Variants in MAP4K5 observed in about 807,000 individuals in gnomAD.
MAP4K5 encodes mitogen-activated protein kinase kinase kinase kinase 5.
A neutral mutation model predicts 135.6 loss-of-function variants in MAP4K5; 82 were observed. The ratio of observed to expected loss-of-function variants is 0.60; its 90% CI spans 0.51 to 0.73. The LOEUF (loss-of-function observed/expected upper bound fraction) is 0.73, where lower values mean the gene tolerates loss of function less well. Ranked by LOEUF, MAP4K5 falls within the 30% of genes least tolerant of loss-of-function variation. The pLI is 0.00. For missense variants in MAP4K5, 907 were observed against 1,010.9 expected, an observed-to-expected ratio of 0.90 and a Z score of 1.39; for synonymous variants, 347 against 335.0, an observed-to-expected ratio of 1.04 and a Z score of -0.39.
intron 10 of MAP4K5, among the ~76,000 whole-genome samples, chr14:50,467,585 A>C (rs187662762): frequency 7.4e-4 from 112 of 152,194 alleles, no homozygotes; most frequent in Non-Finnish European, 1.2e-3. Context: ...GAATTCACCA[A>C]CTACTACATA....
intron 8 of MAP4K5, among the ~76,000 whole-genome samples, 173 bp downstream of exon 8, chr14:50,475,955 C>T (rs1353443247): frequency 6.6e-6 from 1 of 151,932 alleles, no homozygotes; most frequent in Non-Finnish European, 1.5e-5. Context: ...GTTTAATTTC[C>T]TTAAAATGAG....
rs200783525 is a variant in MAP4K5, at chr14:50,445,129, A to C, written c.1251T>G (p.His417Gln). 2.5e-6 allele frequency: 4 copies of C among 1,613,636 alleles called. No homozygotes were observed. Among genetic ancestry groups the C allele is most frequent in the Non-Finnish European group, 3.4e-6 (4 of 1,179,698 alleles). ...GAGCTCTGCTTTCTGAATCAGGACA[A>C]TGTTTTATGGTTGATGCTTTTTCTT... ...PDEEKASTIK[H>Q]CPDSESRAPQ... Residue 417 changes from histidine (H) to glutamine (Q), a missense_variant, in exon 18 of 33, where the codon CAT (histidine) becomes CAG (glutamine). Physicochemically the swap from His to Gln is conservative, Grantham distance 24 (BLOSUM62 0). Transcript: ENST00000682126.
At chr14:50,513,863 G>A (rs1398797559) in intron 2 of MAP4K5, among the ~76,000 whole-genome samples, 1 of 152,086 alleles carries the variant, frequency 6.6e-6, no homozygotes, top group African/African-American at 2.4e-5. Context: ...GCTATCTCCA[G>A]TGGCCAGTGA....
chr14:50,547,394 T>A (rs1299381403), intron 1 of MAP4K5, among the ~76,000 whole-genome samples: 1 of 152,130 alleles, frequency 6.6e-6, no homozygotes, highest in Non-Finnish European at 1.5e-5. Flanking sequence ...ATGAAATCTG[T>A]TATGTAGGGG....
chr14:50,510,277 G>C (rs2037903981), intron 2 of MAP4K5, among the ~76,000 whole-genome samples: 1 of 152,220 alleles, frequency 6.6e-6, no homozygotes, highest in Non-Finnish European at 1.5e-5. Flanking sequence ...TTAATCAGAA[G>C]TGAATAGCTC....
rs186983795 is a variant in MAP4K5, at chr14:50,486,208, T to C, written c.167-14A>G. 196 of 893,820 alleles carry C rather than the reference T, an allele frequency of 2.2e-4. No homozygotes were observed. The highest frequency in any genetic ancestry group is 1.3e-3 in the Middle Eastern group (6 of 4,566). The allele number at this position is 893,820 out of a possible 1,614,324, so 55.4% of individuals were successfully genotyped here. On this transcript the variant is annotated splice_polypyrimidine_tract_variant and intron_variant, in intron 3 of 32. Transcript: ENST00000682126. Reference sequence around the variant, plus strand: ...AAAAATCATCTCCTGGAAAACAAAATAAGTTGTTTATCATGTTACTCAAAA... The same window carrying C: ...AAAAATCATCTCCTGGAAAACAAAACAAGTTGTTTATCATGTTACTCAAAA...
Position 50,526,259 on chromosome 14 carries a change from C to A in MAP4K5, c.108+5683G>T, listed in dbSNP as rs78422664. On this transcript the variant is annotated intron_variant, in intron 2 of 32. Coordinates refer to ENST00000682126, the MANE Select transcript of MAP4K5 (RefSeq NM_006575.6). ...CATTTCTTCCACTTCTCCTCTATGG[C>A]ACATAATTTTCTACCAAATTATGAC... Among the ~76,000 whole-genome samples the A allele has an allele frequency of 2.5e-3, 381 of 152,292 alleles. 1 individual carries two copies. The highest frequency in any genetic ancestry group is 8.2e-3 in the African/African-American group (341 of 41,546).
At position 50,419,760 on chromosome 14, in the gene MAP4K5, G is replaced by C. The variant is rs934526722; in HGVS notation, c.*259C>G. Reference sequence around the variant, plus strand: ...ACATTGTTTTTTTTAAAAAAAGACTGTGTTTCCTGGAACTAGAGGACTATT... The same window carrying C: ...ACATTGTTTTTTTTAAAAAAAGACTCTGTTTCCTGGAACTAGAGGACTATT... On this transcript the variant is annotated 3_prime_UTR_variant, in exon 33 of 33. Transcript: ENST00000682126. The C allele has an allele frequency of 8.8e-6, 3 of 342,642 alleles. No homozygotes were observed. The highest frequency in any genetic ancestry group is 4.2e-5 in the Admixed American group (1 of 23,758). The allele number at this position is 342,642 out of a possible 1,614,324, so 21.2% of individuals were successfully genotyped here. A position where few individuals can be genotyped will look rare whatever the true frequency, so the allele number is the denominator to read the frequency against.
chr14:50,485,797 A>C, intron 4 of MAP4K5, 155 bp from the exon 5 acceptor site: 1 of 572,762 alleles, frequency 1.7e-6, no homozygotes, highest in Non-Finnish European at 3.0e-6. Flanking sequence ...ACAGAAAAGC[A>C]CATTAATTTC....
upstream of MAP4K5, among the ~76,000 whole-genome samples, chr14:50,536,460 G>T (rs913660595): frequency 3.2e-4 from 46 of 144,452 alleles, no homozygotes; most frequent in Non-Finnish European, 5.8e-4. Flanking sequence ...AAAAAAAATT[G>T]TTACCAGTAG....
intron 3 of MAP4K5, among the ~76,000 whole-genome samples, chr14:50,502,014 A>G (rs2037716631): frequency 1.3e-5 from 2 of 152,200 alleles, no homozygotes; most frequent in Admixed American, 6.5e-5. Flanking sequence ...ACTGACACAC[A>G]TATAATACAT....
intron 13 of MAP4K5, among the ~76,000 whole-genome samples, chr14:50,459,774 T>C (rs182670824): frequency 1.3e-5 from 2 of 151,976 alleles, no homozygotes; most frequent in East Asian, 3.9e-4. Flanking sequence ...CTTGGCTCAC[T>C]GTAACCTTTG....
intron 3 of MAP4K5, among the ~76,000 whole-genome samples, chr14:50,498,444 T>C (rs1161026964): frequency 6.6e-6 from 1 of 152,124 alleles, no homozygotes; most frequent in Non-Finnish European, 1.5e-5. Context: ...CATACAAACA[T>C]AGGAAGGAAT....
Position 50,504,817 on chromosome 14 carries a change from AT to A in MAP4K5, c.148del (p.Ile50SerfsTer12). ...ACACATACCAGGCTCCAATTTAATG[AT>A]TTTTACTGCAGCCAGCTCTCCTGTG... is the stretch of plus-strand genomic sequence containing the variant. ...VHTGELAAVK[I>X]IKLEPGDDFS... On this transcript the variant is annotated frameshift_variant, in exon 3 of 33. Transcript: ENST00000682126. LOFTEE classifies it high-confidence loss of function. 6.4e-7 allele frequency: 1 copy of A among 1,557,838 alleles called. No homozygotes were observed.
chr14:50,515,679 T>C (rs1253071262), intron 2 of MAP4K5, among the ~76,000 whole-genome samples: 3 of 152,220 alleles, frequency 2.0e-5, no homozygotes, highest in African/African-American at 7.2e-5. Context: ...ACTTCTTGTA[T>C]AGGTTTTATT....
Position 50,476,147 on chromosome 14 carries a change from G to C in MAP4K5, c.450C>G (p.Asp150Glu), listed in dbSNP as rs2037092821. 6.7e-7 allele frequency: 1 copy of C among 1,503,410 alleles called. No homozygotes were observed. The highest frequency in any genetic ancestry group is 8.9e-7 in the Non-Finnish European group (1 of 1,119,986). The allele number at this position is 1,503,410 out of a possible 1,614,324, so 93.1% of individuals were successfully genotyped here. A position where few individuals can be genotyped will look rare whatever the true frequency, so the allele number is the denominator to read the frequency against. Residue 150 changes from aspartate (D) to glutamate (E), a missense_variant, in exon 8 of 33, where the codon GAC becomes GAG. Coordinates refer to ENST00000682126, the MANE Select transcript of MAP4K5 (RefSeq NM_006575.6). ...ACATACCTAATTTTACATCGCCATG[G>C]TCTGTCAATAAAATATTAGCACCCT... ...DIKGANILLT[D>E]HGDVKLADFG...
At chr14:50,491,687 C>CT (rs777465443) in intron 3 of MAP4K5, among the ~76,000 whole-genome samples, 304 of 137,590 alleles carry the variant, frequency 2.2e-3, no homozygotes, top group African/African-American at 3.4e-3. Context: ...ACTGAACTTT[C>CT]TTTTTTTTTT....
intron 23 of MAP4K5, among the ~76,000 whole-genome samples, chr14:50,438,627 T>C (rs1211680436): frequency 6.6e-6 from 1 of 152,162 alleles, no homozygotes; most frequent in African/African-American, 2.4e-5. Flanking sequence ...TCTCACTATA[T>C]ATGGTATGAT....
chr14:50,429,497 C>T (rs2035923971), intron 28 of MAP4K5, among the ~76,000 whole-genome samples: 1 of 151,962 alleles, frequency 6.6e-6, no homozygotes, highest in African/African-American at 2.4e-5. Flanking sequence ...TAATTAAAGC[C>T]TCAGCTAGAT....
Sources: gnomAD v4.1 joint callset for allele counts (sites outside exome capture counted in the v4.1 genomes callset) on GRCh38, gnomAD v4.1.1 for gene constraint, MANE v1.5 for transcripts, NCBI Gene and HGNC (gene_info 2026-07-23, HGNC 2026-07-21) for gene names.